Variants in SLC25A21 observed in about 807,000 individuals in gnomAD.
The protein encoded by SLC25A21 is mitochondrial 2-oxodicarboxylate carrier.
In SLC25A21, 47 loss-of-function variants were observed where a neutral mutation model predicts 43.8. The ratio of observed to expected loss-of-function variants is 1.07; its 90% confidence interval spans 0.85 to 1.37. The LOEUF (loss-of-function observed/expected upper bound fraction) is 1.37. SLC25A21 is among the 40% of genes most tolerant of loss of function. SLC25A21 has a pLI of 0.00. For missense variants in SLC25A21, 352 were observed against 350.2 expected (o/e 1.00, Z -0.04); for synonymous variants, 131 against 121.3 (o/e 1.08, Z -0.52).
At chr14:37,042,656 T>C (rs1357733102) in intron 1 of SLC25A21, among the ~76,000 whole-genome samples, 1 of 152,220 alleles carries the variant, frequency 6.6e-6, no homozygotes, top group African/African-American at 2.4e-5. Context: ...TTCATCAACA[T>C]ACTAATCTCT....
chr14:37,027,832 T>C (rs1177288588), intron 1 of SLC25A21, among the ~76,000 whole-genome samples: 1 of 152,160 alleles, frequency 6.6e-6, no homozygotes, highest in East Asian at 1.9e-4. Context: ...TGAAATAAGA[T>C]ATCACATGAA....
intron 2 of SLC25A21, among the ~76,000 whole-genome samples, chr14:36,847,300 A>G (rs116306006): frequency 0.013 from 2,001 of 152,306 alleles, 43 homozygotes; most frequent in African/African-American, 0.046. Flanking sequence ...AGATAATTCC[A>G]TTAAAATACC....
intron 6 of SLC25A21, among the ~76,000 whole-genome samples, chr14:36,715,369 G>T (rs768348676): frequency 6.6e-6 from 1 of 152,156 alleles, no homozygotes; most frequent in Non-Finnish European, 1.5e-5. Context: ...GAATAATTTT[G>T]ACTAGATATC....
chr14:36,910,484 G>T (rs1356019782), intron 1 of SLC25A21, among the ~76,000 whole-genome samples: 1 of 152,134 alleles, frequency 6.6e-6, no homozygotes, highest in Non-Finnish European at 1.5e-5. Context: ...GATTATTTGG[G>T]AAGGTTTTGT....
At position 36,678,444 on chromosome 14, in the gene SLC25A21, T is replaced by C. The variant is rs1272082247; in HGVS notation, c.*2214A>G. On this transcript the variant is annotated 3_prime_UTR_variant, in exon 10 of 10. Transcript: ENST00000331299. ...GAACTCTCAGGGCCATAGTCTTCCT[T>C]TGATCTTGTAAAACTTCCATTGACA... 1 of 1,485,404 alleles carries C rather than the reference T, an allele frequency of 6.7e-7. No individual in the cohort carries two copies. The highest frequency in any genetic ancestry group is 2.5e-5 in the East Asian group (1 of 40,650). The allele number at this position is 1,485,404 out of a possible 1,614,324, so 92.0% of individuals were successfully genotyped here.
chr14:37,116,631 G>C (rs1963112366), intron 1 of SLC25A21, among the ~76,000 whole-genome samples: 1 of 152,040 alleles, frequency 6.6e-6, no homozygotes, highest in Non-Finnish European at 1.5e-5. Flanking sequence ...AAATTTATCG[G>C]AACAATATGA....
chr14:36,819,648 T>C (rs1319454804), intron 2 of SLC25A21, among the ~76,000 whole-genome samples: 1 of 152,232 alleles, frequency 6.6e-6, no homozygotes, highest in Non-Finnish European at 1.5e-5. Context: ...AGTGCCTTTA[T>C]TTCCAAAGTA....
At chr14:36,881,850 G>A (rs897780851) in intron 1 of SLC25A21, among the ~76,000 whole-genome samples, 2 of 152,108 alleles carry the variant, frequency 1.3e-5, no homozygotes, top group South Asian at 2.1e-4. Flanking sequence ...AAGACAAGCC[G>A]GGTGACCCAA....
At chr14:36,892,479 G>T (rs1405088150) in intron 1 of SLC25A21, among the ~76,000 whole-genome samples, 1 of 152,004 alleles carries the variant, frequency 6.6e-6, no homozygotes, top group Non-Finnish European at 1.5e-5. Flanking sequence ...TTTGCAACAT[G>T]GATGGTCTTA....
intron 1 of SLC25A21, chr14:37,098,619 T>C (rs78382458): frequency 6.6e-6 from 1 of 152,160 alleles, no homozygotes; most frequent in Non-Finnish European, 1.5e-5. Flanking sequence ...CTGAATTGTA[T>C]AGTTCACATG....
At chr14:36,980,259 G>A (rs1330601049) in intron 1 of SLC25A21, among the ~76,000 whole-genome samples, 1 of 152,100 alleles carries the variant, frequency 6.6e-6, no homozygotes, top group Non-Finnish European at 1.5e-5. Context: ...TCTTTGTGGT[G>A]TTCTCTGTGT....
At chr14:36,704,151 A>T (rs1883396791) in intron 7 of SLC25A21, among the ~76,000 whole-genome samples, 1 of 152,168 alleles carries the variant, frequency 6.6e-6, no homozygotes, top group Non-Finnish European at 1.5e-5. Context: ...ATCATTTTCA[A>T]ACTGGTAATG....
At chr14:36,733,612 T>C (rs975244450) in intron 4 of SLC25A21, among the ~76,000 whole-genome samples, 1 of 152,208 alleles carries the variant, frequency 6.6e-6, no homozygotes, top group Non-Finnish European at 1.5e-5. Context: ...GAACTGTTCC[T>C]TCTTGTCTTT....
chr14:36,952,268 G>A (rs1464897876), intron 1 of SLC25A21: 1 of 153,788 alleles, frequency 6.5e-6, no homozygotes, highest in African/African-American at 2.4e-5. Context: ...AAGAATCAGA[G>A]TAGAATAAAT....
intron 3 of SLC25A21, among the ~76,000 whole-genome samples, chr14:36,791,366 G>A (rs1046612846): frequency 2.0e-5 from 3 of 151,998 alleles, no homozygotes; most frequent in Non-Finnish European, 4.4e-5. Context: ...CACCCTACCT[G>A]CTTTTTAAAG....
Position 36,967,074 on chromosome 14 carries a change from T to C in SLC25A21, c.71-92070A>G, listed in dbSNP as rs527358996. ...CCACAACCAACTCTTGTATGAGAACTTGATTTTTCCTCCTTTTGAATGGTG... is the reference window on the plus strand; with the variant it reads ...CCACAACCAACTCTTGTATGAGAACCTGATTTTTCCTCCTTTTGAATGGTG... On this transcript the variant is annotated intron_variant, in intron 1 of 9. Transcript: ENST00000331299. Among the ~76,000 whole-genome samples the C allele has an allele frequency of 5.3e-5, 8 of 152,330 alleles. No homozygotes were observed. The East Asian group carries it at 1.5e-3, about 29-fold the overall frequency.
In SLC25A21 at chr14:36,926,631, A is replaced by T. The variant is rs1308179570; in HGVS notation, c.71-51627T>A. On this transcript the variant is annotated intron_variant, in intron 1 of 9. Coordinates refer to ENST00000331299, the MANE Select transcript of SLC25A21 (RefSeq NM_030631.4). Reference sequence around the variant, plus strand: ...ACTCACTAAAATTAGTATGTGAAAGAGTGTTTGGACGAGGACACTCAGTAC... The same window carrying T: ...ACTCACTAAAATTAGTATGTGAAAGTGTGTTTGGACGAGGACACTCAGTAC... Among the ~76,000 whole-genome samples the T allele has an allele frequency of 6.6e-5, 10 of 152,172 alleles. No individual in the cohort carries two copies. In the South Asian group the frequency reaches 2.1e-3, roughly 31 times the overall value.
At chr14:37,033,169 T>C (rs190139589) in intron 1 of SLC25A21, among the ~76,000 whole-genome samples, 13 of 152,294 alleles carry the variant, frequency 8.5e-5, no homozygotes, top group African/African-American at 2.4e-4. Flanking sequence ...TTCTACTTTG[T>C]TTCTATGAAT....
At chr14:37,020,449 T>A (rs1225450693) in intron 1 of SLC25A21, among the ~76,000 whole-genome samples, 3 of 151,840 alleles carry the variant, frequency 2.0e-5, no homozygotes, top group South Asian at 2.1e-4. Context: ...AAAGTCACTT[T>A]TTTTTTTTCA....
Sources: gnomAD v4.1 joint callset for allele counts (sites outside exome capture counted in the v4.1 genomes callset) on GRCh38, gnomAD v4.1.1 for gene constraint, MANE v1.5 for transcripts, NCBI Gene and HGNC (gene_info 2026-07-23, HGNC 2026-07-21) for gene names.